Variants in SOX5 observed in about 807,000 individuals in gnomAD.
The protein encoded by SOX5 is SRY-box transcription factor 5, also known as transcription factor SOX-5.
In SOX5, 9 loss-of-function variants were observed where a neutral mutation model predicts 92.0. That is an observed-to-expected ratio of 0.10 (90% CI 0.06 to 0.17). The LOEUF is 0.17. SOX5 is among the 10% of genes least tolerant of loss of function. SOX5 has a pLI of 1.00. For synonymous variants in SOX5, 344 were observed against 336.3 expected (o/e 1.02, Z -0.25); for missense variants, 642 against 944.5 (o/e 0.68, Z 4.20).
chr12:24,259,252 G>A (rs765838620), intron 3 of SOX5, among the ~76,000 whole-genome samples: 9 of 152,210 alleles, frequency 5.9e-5, no homozygotes, highest in Non-Finnish European at 8.8e-5. Flanking sequence ...GAGCGAGAGA[G>A]AGAGCGCGCA....
At chr12:24,152,286 A>G (rs1463364997) in intron 4 of SOX5, among the ~76,000 whole-genome samples, 1 of 152,230 alleles carries the variant, frequency 6.6e-6, no homozygotes, top group East Asian at 1.9e-4. Context: ...CATTGATTAA[A>G]GAGGTATTTT....
intron 4 of SOX5, among the ~76,000 whole-genome samples, chr12:24,028,126 T>C (rs555311868): frequency 6.6e-6 from 1 of 152,104 alleles, no homozygotes; most frequent in African/African-American, 2.4e-5. Context: ...CCACCTAGAT[T>C]ATGACACTTC....
intron 2 of SOX5, among the ~76,000 whole-genome samples, chr12:24,307,782 A>AGGAAGGAAGGAAGGAAGGAGGGAG: frequency 6.8e-6 from 1 of 147,596 alleles, no homozygotes; most frequent in Non-Finnish European, 1.5e-5. Flanking sequence ...GAAGGAAGGA[A>AGGAAGGAAGGAAGGAAGGAGGGAG]GGAAGGAAGG....
In SOX5 at chr12:24,414,175, T is replaced by C. The variant is rs1407669882; in HGVS notation, c.-250-45536A>G. On this transcript the variant is annotated intron_variant, in intron 1 of 4. Coordinates refer to the SOX5 transcript ENST00000446891. ...CATTAATTTTTTTTCTTATTTTTAC[T>C]CATCTCTTTTCTCTGAAATGTATCC... Among the ~76,000 whole-genome samples, 14 of 152,330 alleles carry C rather than the reference T, an allele frequency of 9.2e-5. No individual in the cohort carries two copies. In the East Asian group the frequency reaches 2.7e-3, roughly 29 times the overall value.
chr12:23,958,163 C>T (rs1415313260), intron 4 of SOX5, among the ~76,000 whole-genome samples: 2 of 152,028 alleles, frequency 1.3e-5, no homozygotes, highest in African/African-American at 4.8e-5. Context: ...CTTCGTGGTA[C>T]AGAAACCCAA....
rs776415035 is a variant in SOX5, at chr12:23,755,660, C to T, written c.546G>A (p.Ser182=). 17 of 1,590,996 alleles carry T rather than the reference C, an allele frequency of 1.1e-5. No individual in the cohort carries two copies. Among genetic ancestry groups the T allele is most frequent in the South Asian group, 4.6e-5 (4 of 87,288 alleles). Residue 182 remains serine, a synonymous_variant, in exon 4 of 15, where the codon TCG becomes TCA. Transcript: ENST00000451604. Reference sequence around the variant, plus strand: ...TACCTTTTATTTCGCCAAAGTTCCCCGATCCCATTGCAAGAAGCTTGTCTT... The same window carrying T: ...TACCTTTTATTTCGCCAAAGTTCCCTGATCCCATTGCAAGAAGCTTGTCTT... ...DWKDKLLAMG[S]GNFGEIKGTP...
intron 1 of SOX5, among the ~76,000 whole-genome samples, chr12:23,929,029 T>A (rs1041337548): frequency 2.2e-4 from 33 of 151,340 alleles, no homozygotes; most frequent in African/African-American, 7.0e-4. Context: ...AGTGTTTTTT[T>A]AAAAAAATGC....
At chr12:23,904,169 A>T (rs560967398) in intron 1 of SOX5, among the ~76,000 whole-genome samples, 3 of 152,154 alleles carry the variant, frequency 2.0e-5, no homozygotes, top group Non-Finnish European at 4.4e-5. Flanking sequence ...GTCATATATA[A>T]TATTCAGAAG....
rs192280626 is a variant in SOX5 at position 24,381,148 on chromosome 12, A to G, written c.-250-12509T>C. Among the ~76,000 whole-genome samples, 3 of 152,350 alleles carry G rather than the reference A, an allele frequency of 2.0e-5. No individual in the cohort carries two copies. In the East Asian group the frequency reaches 5.8e-4, roughly 29 times the overall value. ...ACAGCCTGGCCATGACAAATGCCCA[A>G]AACGCCAGACACGGCTGCAGATCAA... On this transcript the variant is annotated intron_variant, in intron 1 of 4. Coordinates refer to the SOX5 transcript ENST00000446891.
chr12:24,055,839 G>A (rs930827933), intron 4 of SOX5, among the ~76,000 whole-genome samples: 1 of 152,182 alleles, frequency 6.6e-6, no homozygotes, highest in Non-Finnish European at 1.5e-5. Context: ...CAGAGTGAAA[G>A]GTAAAACCAT....
chr12:24,230,242 G>A (rs974696048), intron 3 of SOX5, among the ~76,000 whole-genome samples: 4 of 152,116 alleles, frequency 2.6e-5, no homozygotes, highest in Admixed American at 6.6e-5. Flanking sequence ...ATGAAATGCA[G>A]CGCAAACTTT....
At chr12:23,784,709 C>T (rs926607374) in intron 3 of SOX5, among the ~76,000 whole-genome samples, 1 of 152,168 alleles carries the variant, frequency 6.6e-6, no homozygotes, top group African/African-American at 2.4e-5. Flanking sequence ...TGTGTGAGTA[C>T]ACAGACTTCT....
intron 11 of SOX5, among the ~76,000 whole-genome samples, chr12:23,553,527 G>GAA (rs1944598880): frequency 6.6e-6 from 1 of 152,046 alleles, no homozygotes; most frequent in South Asian, 2.1e-4. Context: ...TGTACATGTG[G>GAA]AAGAAGGGAG....
intron 3 of SOX5, among the ~76,000 whole-genome samples, chr12:23,818,790 T>G (rs1202162727): frequency 6.6e-6 from 1 of 152,158 alleles, no homozygotes; most frequent in African/African-American, 2.4e-5. Flanking sequence ...ATTCTTAAAT[T>G]TTTAATTTTT....
chr12:23,862,612 C>T (rs1437041296), intron 2 of SOX5, among the ~76,000 whole-genome samples: 1 of 152,106 alleles, frequency 6.6e-6, no homozygotes, highest in Non-Finnish European at 1.5e-5. Context: ...GTAGTAGGTG[C>T]CATATATGAC....
chr12:24,181,832 C>T (rs1238198567), intron 4 of SOX5, among the ~76,000 whole-genome samples: 1 of 152,084 alleles, frequency 6.6e-6, no homozygotes, highest in Non-Finnish European at 1.5e-5. Context: ...AAAAGAAAAG[C>T]AAAATCAATA....
intron 2 of SOX5, among the ~76,000 whole-genome samples, chr12:24,354,347 G>A (rs749338441): frequency 6.6e-6 from 1 of 151,020 alleles, no homozygotes; most frequent in Non-Finnish European, 1.5e-5. Context: ...AGAAACTGAA[G>A]GAGGCCAGTG....
chr12:24,354,952 C>T (rs1242864234), intron 2 of SOX5, among the ~76,000 whole-genome samples: 2 of 151,980 alleles, frequency 1.3e-5, no homozygotes, highest in East Asian at 1.9e-4. Flanking sequence ...TATTTGTTTC[C>T]TTCTAGTAAC....
At chr12:24,054,500 C>T (rs974877772) in intron 4 of SOX5, among the ~76,000 whole-genome samples, 2 of 152,170 alleles carry the variant, frequency 1.3e-5, no homozygotes, top group African/African-American at 4.8e-5. Context: ...GGGTCACACA[C>T]ACAACAAATG....
Sources: gnomAD v4.1 joint callset for allele counts (sites outside exome capture counted in the v4.1 genomes callset) on GRCh38, gnomAD v4.1.1 for gene constraint, MANE v1.5 for transcripts, NCBI Gene and HGNC (gene_info 2026-07-23, HGNC 2026-07-21) for gene names.